TENM2: variants seen among roughly 807,000 people sequenced by gnomAD.
The protein encoded by TENM2 is teneurin-2.
In TENM2, 52 loss-of-function variants were observed where a neutral mutation model predicts 245.2. The observed-to-expected ratio is 0.21, with a 90% CI of 0.17 to 0.27. The LOEUF (loss-of-function observed/expected upper bound fraction) is 0.27, where lower values mean the gene tolerates loss of function less well. Among genes scored for constraint, TENM2 ranks in the 10% least tolerant of loss-of-function variants. The pLI, the probability that TENM2 is intolerant of heterozygous loss-of-function variation, is 1.00. For missense variants in TENM2, 3,046 were observed against 3,666.8 expected, an observed-to-expected ratio of 0.83 and a Z score of 4.37; for synonymous variants, 1,363 against 1,438.9, an observed-to-expected ratio of 0.95 and a Z score of 1.19.
At chr5:167,375,078 C>G in intron 1 of TENM2, 120 bp from the exon 4 acceptor site, 1 of 980,292 alleles carries the variant, frequency 1.0e-6, no homozygotes, top group Non-Finnish European at 1.5e-6. Flanking sequence ...TTCTGTACAC[C>G]ATGGTGAATT....
the TENM2 span, among the ~76,000 whole-genome samples, chr5:167,191,877 A>C: frequency 6.6e-6 from 1 of 151,986 alleles, no homozygotes; most frequent in Non-Finnish European, 1.5e-5. Context: ...TTGAATTCTC[A>C]CTTTTTCACA....
chr5:167,885,804 C>T (rs766590363), intron 3 of TENM2, among the ~76,000 whole-genome samples: 2 of 152,192 alleles, frequency 1.3e-5, no homozygotes, highest in Admixed American at 6.5e-5. Flanking sequence ...CTGCCTCAGC[C>T]TCATGAGTAG....
chr5:167,807,124 T>TAAAAAAAAAAAAAAA (rs1178739925), intron 2 of TENM2, among the ~76,000 whole-genome samples: 62 of 49,080 alleles, frequency 1.3e-3, no homozygotes, highest in East Asian at 3.2e-3. Context: ...GCCCCTAGGT[T>TAAAAAAAAAAAAAAA]AAAAAAAAAA....
intron 2 of TENM2, among the ~76,000 whole-genome samples, chr5:167,483,381 G>C (rs1231821747): frequency 6.6e-6 from 1 of 152,150 alleles, no homozygotes; most frequent in Non-Finnish European, 1.5e-5. Context: ...CAGATGAATG[G>C]ACCATGCAGA....
the TENM2 span, among the ~76,000 whole-genome samples, chr5:166,987,594 G>A: frequency 7.9e-5 from 12 of 151,928 alleles, no homozygotes; most frequent in African/African-American, 2.2e-4. Context: ...AAAGCCAGAC[G>A]GTCAGTATTA....
chr5:167,016,169 G>A, the TENM2 span, among the ~76,000 whole-genome samples: 7 of 151,292 alleles, frequency 4.6e-5, no homozygotes, highest in Non-Finnish European at 1.0e-4. Context: ...CAGGAGAATA[G>A]GGTGAACCCA....
At chr5:167,179,057 A>T in the TENM2 span, among the ~76,000 whole-genome samples, 4 of 152,160 alleles carry the variant, frequency 2.6e-5, no homozygotes, top group African/African-American at 9.7e-5. Flanking sequence ...ACCCCCAAAT[A>T]TTGATGATTT....
the TENM2 span, among the ~76,000 whole-genome samples, chr5:167,147,016 G>T: frequency 6.6e-6 from 1 of 152,234 alleles, no homozygotes; most frequent in Non-Finnish European, 1.5e-5. Context: ...CTGGCATACT[G>T]ATTGGCAGGG....
rs554201176 is a variant in TENM2, at chr5:168,159,193, T to C, written c.2423-3418T>C. On this transcript the variant is annotated intron_variant, in intron 12 of 28. Transcript: ENST00000518659. ...AGTGTCTTCAGACAATGCCAAATGT[T>C]TTCTGGAGAGAAATAGGGAGACAAA... is the stretch of plus-strand genomic sequence containing the variant. Among the ~76,000 whole-genome samples, 45 of 152,170 alleles carry C rather than the reference T, an allele frequency of 3.0e-4. 1 individual carries two copies. The highest frequency in any genetic ancestry group is 1.0e-3 in the African/African-American group (43 of 41,528).
At chr5:168,241,984 C>G (rs1184990735) in intron 25 of TENM2, among the ~76,000 whole-genome samples, 4 of 152,156 alleles carry the variant, frequency 2.6e-5, no homozygotes, top group African/African-American at 9.7e-5. Flanking sequence ...GATCTAGACT[C>G]TTTTTCTCTG....
intron 25 of TENM2, among the ~76,000 whole-genome samples, chr5:168,238,184 AGG>A (rs1235682460): frequency 0.024 from 800 of 33,772 alleles, 40 homozygotes; most frequent in African/African-American, 0.13. Flanking sequence ...AGAGAGAGAG[AGG>A]GAGGGAGGGA....
intron 5 of TENM2, among the ~76,000 whole-genome samples, chr5:168,046,324 C>A (rs567724036): frequency 6.6e-6 from 1 of 152,146 alleles, no homozygotes; most frequent in Non-Finnish European, 1.5e-5. Flanking sequence ...TTCTCTCCTG[C>A]GGTGGTAGGA....
In TENM2 at chr5:167,657,602, A is replaced by G. The variant is rs564923059; in HGVS notation, c.503-218384A>G. Among the ~76,000 whole-genome samples the G allele has an allele frequency of 2.6e-5, 4 of 152,314 alleles. No homozygotes were observed. In the East Asian group the frequency reaches 7.7e-4, roughly 29 times the overall value. ...CTATTGAAGCATAAAGCTTAATACA[A>G]TGTCATTTAGAGCAGAGGTGGGCCA... On this transcript the variant is annotated intron_variant, in intron 2 of 28. Coordinates refer to ENST00000518659, the Ensembl canonical transcript of TENM2.
At chr5:167,353,833 A>AT (rs1470488900) in intron 1 of TENM2, among the ~76,000 whole-genome samples, 2 of 152,070 alleles carry the variant, frequency 1.3e-5, no homozygotes, top group African/African-American at 2.4e-5. Context: ...TTAAAAGAAA[A>AT]TTTTTTTGGA....
At chr5:167,353,060 G>A (rs1309062951) in intron 1 of TENM2, among the ~76,000 whole-genome samples, 1 of 152,088 alleles carries the variant, frequency 6.6e-6, no homozygotes, top group Admixed American at 6.6e-5. Context: ...ATTTATGAGC[G>A]GTTTACTTTG....
chr5:167,383,728 TAAAA>T (rs10549785), intron 2 of TENM2, among the ~76,000 whole-genome samples: 2,130 of 110,384 alleles, frequency 0.019, 56 homozygotes, highest in African/African-American at 0.062. Context: ...TGGTGCAGGA[TAAAA>T]AAAAAAAAAA....
At chr5:167,347,220 A>G (rs948246465) in intron 1 of TENM2, among the ~76,000 whole-genome samples, 2 of 152,144 alleles carry the variant, frequency 1.3e-5, no homozygotes, top group Admixed American at 6.5e-5. Context: ...TTGCTCCAGA[A>G]CAGATAATAT....
intron 2 of TENM2, among the ~76,000 whole-genome samples, chr5:167,683,612 G>T (rs905247333): frequency 6.6e-6 from 1 of 152,126 alleles, no homozygotes; most frequent in African/African-American, 2.4e-5. Flanking sequence ...GCCCCAAATA[G>T]CATGGTTTCT....
intron 1 of TENM2, among the ~76,000 whole-genome samples, chr5:167,286,316 C>T (rs1771345573): frequency 6.6e-6 from 1 of 152,220 alleles, no homozygotes; most frequent in Middle Eastern, 3.4e-3. Flanking sequence ...GTAAATGAAA[C>T]ACATGCTGAT....
Sources: gnomAD v4.1 joint callset for allele counts (sites outside exome capture counted in the v4.1 genomes callset) on GRCh38, gnomAD v4.1.1 for gene constraint, MANE v1.5 for transcripts, NCBI Gene and HGNC (gene_info 2026-07-23, HGNC 2026-07-21) for gene names.